The following NPRL3 variants were observed in gnomAD, a reference collection of about 807,000 sequenced individuals.
NPRL3 encodes the protein GATOR1 complex protein NPRL3.
Under a neutral mutation model 57.2 loss-of-function variants are expected in NPRL3, and 23 were observed. The ratio of observed to expected loss-of-function variants is 0.40; its 90% confidence interval spans 0.29 to 0.57. The LOEUF is 0.57. Among genes scored for constraint, NPRL3 ranks in the 20% least tolerant of loss-of-function variants. The probability of loss-of-function intolerance (pLI) is 0.42; values close to 1 mark genes in which losing one functional copy is unlikely to be tolerated. For synonymous variants in NPRL3, 333 were observed against 321.1 expected, an observed-to-expected ratio of 1.04 and a Z score of -0.39; for missense variants, 691 against 767.1, an observed-to-expected ratio of 0.90 and a Z score of 1.17.
chr16:111,030 A>C (rs1899784653), intron 6 of NPRL3, among the ~76,000 whole-genome samples: 1 of 152,238 alleles, frequency 6.6e-6, no homozygotes, highest in South Asian at 2.1e-4. Flanking sequence ...TAACGTTTAA[A>C]AAAACAAAAC....
intron 3 of NPRL3, chr16:127,082 T>C (rs1596536173): frequency 6.6e-6 from 1 of 152,320 alleles, no homozygotes; most frequent in African/African-American, 2.4e-5. Flanking sequence ...ATATTACCCA[T>C]GCTGGTCTCG....
intron 7 of NPRL3, among the ~76,000 whole-genome samples, chr16:106,912 G>A (rs1161527933): frequency 6.6e-6 from 1 of 151,732 alleles, no homozygotes; most frequent in Non-Finnish European, 1.5e-5. Context: ...GAGGACAGAC[G>A]AGAGGCCACA....
At chr16:127,858 G>T (rs917852611) in intron 3 of NPRL3, among the ~76,000 whole-genome samples, 2 of 151,222 alleles carry the variant, frequency 1.3e-5, no homozygotes, top group African/African-American at 4.9e-5. Context: ...GTTTCACCGT[G>T]TTAGCCAGGA....
At chr16:127,856 G>C (rs2857996) in intron 3 of NPRL3, among the ~76,000 whole-genome samples, 2 of 151,386 alleles carry the variant, frequency 1.3e-5, no homozygotes, top group African/African-American at 2.4e-5. Flanking sequence ...GGGTTTCACC[G>C]TGTTAGCCAG....
In NPRL3 at chr16:85,866, C is replaced by T. The variant is rs796798764; in HGVS notation, c.*839G>A. ...AGAAAACTGTGCCTTAGCCAGAGCT[C>T]CTCTAGGTGATCAACCCATGTCTGG... On this transcript the variant is annotated 3_prime_UTR_variant, in exon 14 of 14. Transcript: ENST00000611875. 5.9e-5 allele frequency: 79 copies of T among 1,342,654 alleles called. No individual in the cohort carries two copies. In the African/African-American group the frequency reaches 9.5e-4, roughly 16 times the overall value. The allele number at this position is 1,342,654 out of a possible 1,614,324, so 83.2% of individuals were successfully genotyped here.
At chr16:129,979 G>A (rs1900717067) in intron 3 of NPRL3, among the ~76,000 whole-genome samples, 2 of 152,170 alleles carry the variant, frequency 1.3e-5, no homozygotes, top group South Asian at 4.1e-4. Context: ...GTGCCTCCCA[G>A]AGAGAGCAGG....
intron 7 of NPRL3, among the ~76,000 whole-genome samples, chr16:105,992 C>T (rs1327929370): frequency 6.6e-6 from 1 of 152,202 alleles, no homozygotes; most frequent in Admixed American, 6.5e-5. Flanking sequence ...TATTCAGCCA[C>T]ACCATAACCC....
intron 2 of NPRL3, among the ~76,000 whole-genome samples, chr16:135,534 G>A (rs1237186038): frequency 2.7e-5 from 4 of 150,878 alleles, no homozygotes; most frequent in Non-Finnish European, 5.9e-5. Flanking sequence ...GCTTGAACCC[G>A]GGAAGCAGAG....
intron 9 of NPRL3, among the ~76,000 whole-genome samples, chr16:96,935 C>A (rs1254324693): frequency 1.4e-5 from 2 of 141,744 alleles, no homozygotes; most frequent in Non-Finnish European, 3.0e-5. Flanking sequence ...GAGAGTCAGG[C>A]CTTGTTGGAC....
chr16:102,816 C>T (rs1234518779), intron 7 of NPRL3, among the ~76,000 whole-genome samples: 1 of 152,226 alleles, frequency 6.6e-6, no homozygotes, highest in East Asian at 1.9e-4. Context: ...AGGAGGGCAG[C>T]AGTCTCAGCT....
chr16:129,683 C>T (rs549065271), intron 3 of NPRL3, among the ~76,000 whole-genome samples: 11 of 152,318 alleles, frequency 7.2e-5, no homozygotes, highest in African/African-American at 2.6e-4. Context: ...TTTAAAAAGA[C>T]TTGCAAATTG....
chr16:112,139 TTTC>T (rs1899841954), intron 6 of NPRL3, among the ~76,000 whole-genome samples: 1 of 152,202 alleles, frequency 6.6e-6, no homozygotes. Flanking sequence ...GGAGTAATAG[TTTC>T]TTCAACATCT....
In NPRL3 at chr16:110,618, A is replaced by C; in HGVS notation, c.548-12T>G. 6.2e-7 allele frequency: 1 copy of C among 1,600,226 alleles called. No homozygotes were observed. The highest frequency in any genetic ancestry group is 8.5e-7 in the Non-Finnish European group (1 of 1,172,168). On this transcript the variant is annotated splice_polypyrimidine_tract_variant and intron_variant, in intron 6 of 13. Coordinates refer to ENST00000611875, the MANE Select transcript of NPRL3 (RefSeq NM_001077350.3). ...AGGACCTTCATTTCCTACAAGAATC[A>C]CAACACAAGATTTACAGCTCCCGGG...
At chr16:132,028 C>G (rs1253117460) in intron 2 of NPRL3, among the ~76,000 whole-genome samples, 1 of 144,496 alleles carries the variant, frequency 6.9e-6, no homozygotes, top group East Asian at 2.0e-4. Context: ...TTTTTTGAGA[C>G]AGGGTATCAC....
At chr16:100,982 A>AAAAAAAAAAG in intron 7 of NPRL3, among the ~76,000 whole-genome samples, 1 of 147,806 alleles carries the variant, frequency 6.8e-6, no homozygotes, top group Non-Finnish European at 1.5e-5. Flanking sequence ...AAAAAAAAAA[A>AAAAAAAAAAG]AAAAAAAAGG....
At chr16:108,365 C>T (rs967136678) in intron 7 of NPRL3, among the ~76,000 whole-genome samples, 1 of 152,076 alleles carries the variant, frequency 6.6e-6, no homozygotes, top group African/African-American at 2.4e-5. Context: ...CACAATTTCA[C>T]GAGACTCGAT....
In NPRL3 at chr16:98,232, G is replaced by A; in HGVS notation, c.837C>T (p.Ser279=). Residue 279 remains serine, a synonymous_variant, in exon 9 of 14, where the codon TCC becomes TCT. Coordinates refer to ENST00000611875, the MANE Select transcript of NPRL3 (RefSeq NM_001077350.3). The part of the protein sequence containing the change: ...SLLGELPIDC[S]PALVRVIKTT... ...TCTTGATCACCCGCACTAGGGCAGGGGAGCAGTCAATAGGAAGCTCACCCA... is the reference window on the plus strand; with the variant it reads ...TCTTGATCACCCGCACTAGGGCAGGAGAGCAGTCAATAGGAAGCTCACCCA... 1 of 1,613,980 alleles carries A rather than the reference G, an allele frequency of 6.2e-7. No individual in the cohort carries two copies. Among genetic ancestry groups the A allele is most frequent in the Non-Finnish European group, 8.5e-7 (1 of 1,179,882 alleles).
At chr16:135,295 C>G (rs1251125281) in intron 2 of NPRL3, among the ~76,000 whole-genome samples, 1 of 152,138 alleles carries the variant, frequency 6.6e-6, no homozygotes, top group Non-Finnish European at 1.5e-5. Flanking sequence ...CACAAGAGCC[C>G]AGAAAATATC....
intron 7 of NPRL3, among the ~76,000 whole-genome samples, chr16:109,881 C>A (rs907380217): frequency 2.0e-5 from 3 of 152,206 alleles, no homozygotes; most frequent in Non-Finnish European, 4.4e-5. Flanking sequence ...ATCCCTTGTT[C>A]ATTCTTCTAT....
Sources: gnomAD v4.1 joint callset for allele counts (sites outside exome capture counted in the v4.1 genomes callset) on GRCh38, gnomAD v4.1.1 for gene constraint, MANE v1.5 for transcripts, NCBI Gene and HGNC (gene_info 2026-07-23, HGNC 2026-07-21) for gene names.